WDR35: variants seen among roughly 807,000 people sequenced by gnomAD.
WDR35 encodes the protein WD repeat domain 35, also known as WD repeat-containing protein 35.
A neutral mutation model predicts 158.3 loss-of-function variants in WDR35; 118 were observed. The ratio of observed to expected loss-of-function variants is 0.75; its 90% CI spans 0.64 to 0.87. WDR35 has a LOEUF of 0.87. Among genes scored for constraint, WDR35 ranks in the 40% least tolerant of loss-of-function variants. The pLI, the probability that WDR35 is intolerant of heterozygous loss-of-function variation, is 0.00. For synonymous variants in WDR35, 448 were observed against 476.1 expected (o/e 0.94, Z 0.77); for missense variants, 1,263 against 1,405.8 (o/e 0.90, Z 1.62).
intron 25 of WDR35, among the ~76,000 whole-genome samples, chr2:19,924,208 A>G (rs966796317): frequency 2.0e-5 from 3 of 152,172 alleles, no homozygotes; most frequent in Admixed American, 1.3e-4. Flanking sequence ...CTTTAGTGCT[A>G]TAAAACAGGG....
chr2:19,935,592 A>G lies in WDR35; in HGVS notation c.2426T>C (p.Val809Ala). 1.2e-6 allele frequency: 2 copies of G among 1,612,422 alleles called. No individual in the cohort carries two copies. The highest frequency in any genetic ancestry group is 1.7e-6 in the Non-Finnish European group (2 of 1,179,566). The change falls in exon 21 of 27, where the codon GTA becomes GCA. Residue 809 changes from valine (V) to alanine (A), a missense_variant. Coordinates refer to ENST00000281405, the MANE Select transcript of WDR35 (RefSeq NM_020779.4). Reference protein sequence around the residue: ...FADRQKWLNAVQYYVQGRNQE... With the variant: ...FADRQKWLNAAQYYVQGRNQE... ...GTTCCGTCCTTGTACATAATATTGT[A>G]CAGCATTCAACCTACAGAAAGAAAA...
intron 25 of WDR35, among the ~76,000 whole-genome samples, chr2:19,929,109 G>C (rs1226843399): frequency 6.6e-6 from 1 of 152,122 alleles, no homozygotes; most frequent in African/African-American, 2.4e-5. Context: ...ACCCGGCTGA[G>C]GAAGATACTA....
At chr2:19,923,483 A>G (rs557242946) in intron 25 of WDR35, among the ~76,000 whole-genome samples, 20 of 152,344 alleles carry the variant, frequency 1.3e-4, no homozygotes, top group African/African-American at 4.6e-4. Context: ...GAAGGAGAGT[A>G]TAACGAAGTA....
intron 9 of WDR35, among the ~76,000 whole-genome samples, chr2:19,967,811 C>T (rs1415048630): frequency 1.3e-5 from 2 of 152,154 alleles, no homozygotes; most frequent in African/African-American, 4.8e-5. Context: ...TTATTGTTAA[C>T]ATTTTACTTT....
rs994804159 is a variant in WDR35, at chr2:19,934,297, A to T, written c.2548-786T>A. ...GTAAAAAAAATTACAAAACATGAAAAAGTGAAATTACTCATAATCTTATCA... is the reference window on the plus strand; with the variant it reads ...GTAAAAAAAATTACAAAACATGAAATAGTGAAATTACTCATAATCTTATCA... On this transcript the variant is annotated intron_variant, in intron 21 of 26. Coordinates refer to ENST00000281405, the MANE Select transcript of WDR35 (RefSeq NM_020779.4). This position sits in a 1 kb window ranked among gnomAD's most constrained non-coding sequence, Gnocchi z 4.6. Among the ~76,000 whole-genome samples, 1 of 152,162 alleles carries T rather than the reference A, an allele frequency of 6.6e-6. No homozygotes were observed. Among genetic ancestry groups the T allele is most frequent in the Non-Finnish European group, 1.5e-5 (1 of 68,026 alleles).
At chr2:19,966,133 A>G (rs750224090) in intron 10 of WDR35, among the ~76,000 whole-genome samples, 3 of 152,232 alleles carry the variant, frequency 2.0e-5, no homozygotes, top group Non-Finnish European at 4.4e-5. Context: ...CTTTAACAAA[A>G]AACTCTATAC....
At chr2:19,967,151 T>C (rs564459745) in intron 9 of WDR35, among the ~76,000 whole-genome samples, 1 of 152,236 alleles carries the variant, frequency 6.6e-6, no homozygotes, top group South Asian at 2.1e-4. Context: ...TTTCCTTATT[T>C]TAATTGGTAA....
chr2:19,922,578 G>T, intron 25 of WDR35, among the ~76,000 whole-genome samples: 1 of 149,388 alleles, frequency 6.7e-6, no homozygotes, highest in African/African-American at 2.5e-5. Context: ...GGGGTGGGGG[G>T]CTGGGGGAGG....
At chr2:19,986,095 A>C (rs1672558046) in intron 2 of WDR35, among the ~76,000 whole-genome samples, 2 of 152,160 alleles carry the variant, frequency 1.3e-5, no homozygotes, top group Admixed American at 1.3e-4. Flanking sequence ...TTGGAGACAA[A>C]AGCAACAGGA....
chr2:19,931,139 A>G (rs1279047728), intron 24 of WDR35, 130 bp downstream of exon 24: 5 of 1,059,724 alleles, frequency 4.7e-6, no homozygotes, highest in East Asian at 5.2e-5. Context: ...CTTTTTCTTC[A>G]TATCATTTAA....
At chr2:19,960,229 G>A (rs969592280) in intron 11 of WDR35, among the ~76,000 whole-genome samples, 2 of 152,074 alleles carry the variant, frequency 1.3e-5, no homozygotes, top group Middle Eastern at 3.4e-3. Context: ...TAATCATTAC[G>A]CTGCATACCA....
At chr2:19,982,098 G>A (rs997791455) in intron 3 of WDR35, among the ~76,000 whole-genome samples, 2 of 152,116 alleles carry the variant, frequency 1.3e-5, no homozygotes, top group African/African-American at 2.4e-5. Context: ...ACCGTACTTC[G>A]AGTGCCCATA....
intron 9 of WDR35, among the ~76,000 whole-genome samples, chr2:19,968,074 T>C (rs1671913773): frequency 6.6e-6 from 1 of 152,190 alleles, no homozygotes; most frequent in South Asian, 2.1e-4. Flanking sequence ...TCAAGTATTT[T>C]GTAGATTGTC....
chr2:19,914,250 A>G lies in WDR35; in HGVS notation c.3149T>C (p.Ile1050Thr). The G allele has an allele frequency of 6.2e-7, 1 of 1,613,834 alleles. No individual in the cohort carries two copies. Among genetic ancestry groups the G allele is most frequent in the Non-Finnish European group, 8.5e-7 (1 of 1,179,894 alleles). Residue 1050 changes from isoleucine (I) to threonine (T), a missense_variant, in exon 26 of 27, where the codon ATC becomes ACC. Physicochemically the swap from Ile to Thr is moderately conservative, Grantham distance 89. Transcript: ENST00000281405. The stretch of plus-strand genomic sequence containing the variant: ...AGAGTAGATCTCCACAGGAGGGATG[A>G]TGTCTTCATAGTCTTTCAGGTGAAG... ...TALHLKDYEDIIPPVEIYSLL... is the reference protein window; with the variant it reads ...TALHLKDYEDTIPPVEIYSLL...
intron 25 of WDR35, among the ~76,000 whole-genome samples, 170 bp downstream of exon 25, chr2:19,930,226 G>A (rs1416511035): frequency 6.6e-6 from 1 of 151,646 alleles, no homozygotes; most frequent in Non-Finnish European, 1.5e-5. Flanking sequence ...TGTTTTCTCT[G>A]TATTAAAAAA....
intron 25 of WDR35, among the ~76,000 whole-genome samples, chr2:19,922,865 G>A (rs1383592768): frequency 1.3e-5 from 2 of 152,192 alleles, no homozygotes; most frequent in Non-Finnish European, 2.9e-5. Context: ...CTGGAAGGTT[G>A]TGGGTTTACT....
intron 25 of WDR35, among the ~76,000 whole-genome samples, chr2:19,920,400 T>C (rs1670134148): frequency 6.6e-6 from 1 of 152,196 alleles, no homozygotes; most frequent in South Asian, 2.1e-4. Flanking sequence ...GTTGGCTTCA[T>C]CCCTGGGATG....
At chr2:19,974,733 AGT>A in intron 6 of WDR35, 100 bp from the exon 7 acceptor site, 1 of 1,219,446 alleles carries the variant, frequency 8.2e-7, no homozygotes, top group Non-Finnish European at 1.1e-6. Context: ...TGAAAAATAC[AGT>A]CTAAAAATCA....
At chr2:19,923,949 G>A (rs12615824) in intron 25 of WDR35, among the ~76,000 whole-genome samples, 30,806 of 152,108 alleles carry the variant, frequency 0.2, 3,412 homozygotes, top group East Asian at 0.4. Context: ...CTCTTACTCA[G>A]GCTTGTCTAA....
Sources: gnomAD v4.1 joint callset for allele counts (sites outside exome capture counted in the v4.1 genomes callset) on GRCh38, gnomAD v4.1.1 for gene constraint, Gnocchi (gnomAD v3.1) non-coding constraint, MANE v1.5 for transcripts, NCBI Gene and HGNC (gene_info 2026-07-23, HGNC 2026-07-21) for gene names.